Variants in ANO6 observed in about 807,000 individuals in gnomAD.
The protein encoded by ANO6 is anoctamin 6, also known as anoctamin-6.
A neutral mutation model predicts 117.5 loss-of-function variants in ANO6; 106 were observed. The ratio of observed to expected loss-of-function variants is 0.90; its 90% CI spans 0.77 to 1.06. The LOEUF (loss-of-function observed/expected upper bound fraction) is 1.06. Among genes scored for constraint, ANO6 ranks in the 50% least tolerant of loss-of-function variants. The pLI is 0.00. For synonymous variants in ANO6, 367 were observed against 385.1 expected (o/e 0.95, Z 0.55); for missense variants, 955 against 1,121.1 (o/e 0.85, Z 2.12).
intron 8 of ANO6, among the ~76,000 whole-genome samples, chr12:45,363,103 G>A (rs547466264): frequency 2.8e-4 from 42 of 152,034 alleles, no homozygotes; most frequent in Non-Finnish European, 3.5e-4. Flanking sequence ...GACCAGAAGC[G>A]TTTCAGATTT....
At chr12:45,352,738 A>T (rs1174096836) in intron 7 of ANO6, among the ~76,000 whole-genome samples, 1 of 151,908 alleles carries the variant, frequency 6.6e-6, no homozygotes, top group Admixed American at 6.6e-5. Flanking sequence ...AAAAAAAAAA[A>T]AAAAATTATT....
At chr12:45,436,636 A>C (rs1490632716), downstream of ANO6, among the ~76,000 whole-genome samples, 4 of 152,244 alleles carry the variant, frequency 2.6e-5, no homozygotes, top group Admixed American at 2.6e-4. Flanking sequence ...AATTGCATGC[A>C]AAATTCAAAT....
At chr12:45,236,053 A>G (rs1947640434) in intron 1 of ANO6, among the ~76,000 whole-genome samples, 1 of 152,234 alleles carries the variant, frequency 6.6e-6, no homozygotes. Context: ...GGAGAAGGAA[A>G]TTAGTTACAG....
intron 1 of ANO6, among the ~76,000 whole-genome samples, chr12:45,294,800 T>C (rs1208503258): frequency 6.6e-6 from 1 of 152,220 alleles, no homozygotes; most frequent in African/African-American, 2.4e-5. Flanking sequence ...TATGCTTAAA[T>C]TTATTTTAAT....
At chr12:45,232,039 C>T (rs1275893632) in intron 1 of ANO6, among the ~76,000 whole-genome samples, 2 of 152,078 alleles carry the variant, frequency 1.3e-5, no homozygotes, top group Non-Finnish European at 2.9e-5. Context: ...AAATCAAGCC[C>T]ACTACTTTTT....
At chr12:45,284,384 C>T (rs1350896661) in intron 1 of ANO6, among the ~76,000 whole-genome samples, 6 of 152,114 alleles carry the variant, frequency 3.9e-5, no homozygotes, top group African/African-American at 7.2e-5. Context: ...TGTAAAAAAT[C>T]CCTCAAAAGG....
At chr12:45,305,627 G>A (rs1175331670) in intron 2 of ANO6, among the ~76,000 whole-genome samples, 2 of 152,172 alleles carry the variant, frequency 1.3e-5, no homozygotes, top group Non-Finnish European at 2.9e-5. Context: ...ATCAGTTAAA[G>A]TGAGGCTGGG....
intron 1 of ANO6, among the ~76,000 whole-genome samples, chr12:45,218,029 T>C (rs1038684411): frequency 3.9e-5 from 6 of 152,222 alleles, no homozygotes; most frequent in African/African-American, 1.4e-4. Context: ...ATCGTATAAA[T>C]TCATCTTAAG....
intron 1 of ANO6, among the ~76,000 whole-genome samples, chr12:45,251,413 T>C (rs1947899480): frequency 5.3e-5 from 8 of 152,204 alleles, no homozygotes; most frequent in Admixed American, 5.2e-4. Flanking sequence ...AGGGCTCAGC[T>C]GAGTGGTGTT....
Position 45,331,333 on chromosome 12 carries a change from T to A in ANO6, c.189T>A (p.Asn63Lys), listed in dbSNP as rs771713040. 34 of 1,610,158 alleles carry A rather than the reference T, an allele frequency of 2.1e-5. No individual in the cohort carries two copies. The Admixed American group carries it at 5.0e-4, about 24-fold the overall frequency. ...FNGKPDSLFF[N>K]DGQRRIDFVL... The stretch of plus-strand genomic sequence containing the variant: ...GAAAACCTGACTCCCTCTTTTTTAA[T>A]GATGGCCAGCGAAGAATTGACTTTG... The change falls in exon 3 of 20, where the codon AAT becomes AAA. Residue 63 changes from asparagine to lysine, a missense_variant. Asn to Lys is a moderately conservative substitution (Grantham distance 94, BLOSUM62 0). Transcript: ENST00000320560.
At chr12:45,230,771 T>C (rs1484245870) in intron 1 of ANO6, among the ~76,000 whole-genome samples, 2 of 152,170 alleles carry the variant, frequency 1.3e-5, no homozygotes, top group African/African-American at 4.8e-5. Flanking sequence ...GTCTAAAAAG[T>C]AGTGTTCTTG....
At position 45,431,116 on chromosome 12, in the gene ANO6, G is replaced by A. The variant is rs1456959219; in HGVS notation, c.*1805G>A. On this transcript the variant is annotated 3_prime_UTR_variant, in exon 20 of 20. Transcript: ENST00000320560. The stretch of plus-strand genomic sequence containing the variant: ...TTTTGAATTGTCCCAGTGGATCCGG[G>A]ACCCCATTTCACTGTCTCTCTTGAT... 7 of 985,180 alleles carry A rather than the reference G, an allele frequency of 7.1e-6. No homozygotes were observed. In the Admixed American group the frequency reaches 3.7e-4, roughly 52 times the overall value. The allele number at this position is 985,180 out of a possible 1,614,324, so 61.0% of individuals were successfully genotyped here.
chr12:45,290,393 T>C (rs1939056189), intron 1 of ANO6, among the ~76,000 whole-genome samples: 1 of 151,952 alleles, frequency 6.6e-6, no homozygotes, highest in South Asian at 2.1e-4. Flanking sequence ...TGAAAGACAA[T>C]AGGAATTTAA....
In ANO6 at chr12:45,390,447, C is replaced by G; in HGVS notation, c.1335C>G (p.Ala445=). ...AAGAAGAACGCATTCCCTTTACTGC[C>G]TGGGGAAAATGTATACGGATAACCC... ...TQEEERIPFT[A]WGKCIRITLC... The change falls in exon 12 of 20, where the codon GCC becomes GCG. Residue 445 remains alanine (A), a synonymous_variant. Coordinates refer to ENST00000320560, the MANE Select transcript of ANO6 (RefSeq NM_001025356.3). 2 of 1,613,906 alleles carry G rather than the reference C, an allele frequency of 1.2e-6. No individual in the cohort carries two copies. Among genetic ancestry groups the G allele is most frequent in the Non-Finnish European group, 1.7e-6 (2 of 1,179,914 alleles).
At chr12:45,388,043 T>C in intron 10 of ANO6, 118 bp from the exon 11 acceptor site, 1 of 1,344,916 alleles carries the variant, frequency 7.4e-7, no homozygotes, top group Non-Finnish European at 1.1e-6. Flanking sequence ...TCCAGGTAGT[T>C]CTTTATAGCA....
intron 12 of ANO6, among the ~76,000 whole-genome samples, chr12:45,397,921 GT>G (rs1942670884): frequency 6.6e-6 from 1 of 151,996 alleles, no homozygotes; most frequent in South Asian, 2.1e-4. Context: ...AACATGGCAC[GT>G]GTATACCTAT....
In ANO6 at chr12:45,321,329, G is replaced by A. The variant is rs548504986; in HGVS notation, c.151-9966G>A. 7.2e-5 allele frequency among the ~76,000 whole-genome samples: 11 copies of A among 152,120 alleles called. No individual in the cohort carries two copies. In the South Asian group the frequency reaches 1.5e-3, roughly 20 times the overall value. ...GTTGAAACTGTATTAATAAATTTTC[G>A]CTACTTGCCTTGCGTTTTGAAAGGA... On this transcript the variant is annotated intron_variant, in intron 2 of 19. Transcript: ENST00000320560.
intron 1 of ANO6, among the ~76,000 whole-genome samples, chr12:45,279,000 A>T (rs925732049): frequency 6.6e-6 from 1 of 152,198 alleles, no homozygotes; most frequent in Non-Finnish European, 1.5e-5. Context: ...ATTCAGCAGT[A>T]ATCTTTTGTG....
At position 45,270,388 on chromosome 12, in the gene ANO6, C is replaced by T. The variant is rs1046672410; in HGVS notation, c.71-31626C>T. On this transcript the variant is annotated intron_variant, in intron 1 of 19. Transcript: ENST00000320560. ...TACAGAGGCAGGTCTGATGCCGCCT[C>T]CTGCTCTGTCTGCAGCCTAACACCA... 2.3e-5 allele frequency: 33 copies of T among 1,447,388 alleles called. No individual in the cohort carries two copies. The African/African-American group carries it at 4.6e-4, about 20-fold the overall frequency. 89.7% of individuals were successfully genotyped at this position (1,447,388 alleles called of 1,614,324 possible).
Sources: gnomAD v4.1 joint callset for allele counts (sites outside exome capture counted in the v4.1 genomes callset) on GRCh38, gnomAD v4.1.1 for gene constraint, MANE v1.5 for transcripts, NCBI Gene and HGNC (gene_info 2026-07-23, HGNC 2026-07-21) for gene names.